GRIK2: variants seen among roughly 807,000 people sequenced by gnomAD.
GRIK2 encodes the protein glutamate receptor ionotropic, kainate 2.
A neutral mutation model predicts 100.3 loss-of-function variants in GRIK2; 32 were observed. That is an observed-to-expected ratio of 0.32 (90% CI 0.24 to 0.43). GRIK2 has a LOEUF of 0.43. GRIK2 is among the 20% of genes least tolerant of loss of function. The pLI, the probability that GRIK2 is intolerant of heterozygous loss-of-function variation, is 1.00. For missense variants in GRIK2, 843 were observed against 1,114.9 expected (o/e 0.76, Z 3.47); for synonymous variants, 417 against 389.4 (o/e 1.07, Z -0.83).
intron 2 of GRIK2, among the ~76,000 whole-genome samples, chr6:101,479,539 G>A (rs1199429160): frequency 6.6e-6 from 1 of 151,982 alleles, no homozygotes; most frequent in East Asian, 1.9e-4. Flanking sequence ...ACTAATATTG[G>A]TATTTTTGAG....
chr6:101,949,100 A>G (rs1265483837), intron 14 of GRIK2, among the ~76,000 whole-genome samples: 1 of 152,174 alleles, frequency 6.6e-6, no homozygotes, highest in Non-Finnish European at 1.5e-5. Context: ...TATGATAAAA[A>G]TAATGTATAT....
At chr6:101,800,760 C>G (rs1780617916) in intron 8 of GRIK2, among the ~76,000 whole-genome samples, 2 of 151,990 alleles carry the variant, frequency 1.3e-5, no homozygotes, top group African/African-American at 4.8e-5. Flanking sequence ...TGGTTTAAAA[C>G]TGAAACTTAG....
chr6:101,621,844 C>A, intron 2 of GRIK2, 105 bp from the exon 3 acceptor site: 1 of 765,222 alleles, frequency 1.3e-6, no homozygotes, highest in Non-Finnish European at 2.2e-6. Flanking sequence ...CGCAAATGCA[C>A]TTGCACATAT....
intron 2 of GRIK2, among the ~76,000 whole-genome samples, chr6:101,502,685 T>C (rs1449804738): frequency 6.6e-6 from 1 of 152,172 alleles, no homozygotes; most frequent in Non-Finnish European, 1.5e-5. Context: ...AAGAGATTGA[T>C]AGGATATCTA....
intron 9 of GRIK2, among the ~76,000 whole-genome samples, chr6:101,804,153 A>C (rs192263279): frequency 6.6e-6 from 1 of 151,958 alleles, no homozygotes; most frequent in Non-Finnish European, 1.5e-5. Context: ...GTCATAGTCA[A>C]TTGAGTACTT....
At chr6:101,935,710 C>A (rs775016698) in intron 14 of GRIK2, among the ~76,000 whole-genome samples, 3 of 151,892 alleles carry the variant, frequency 2.0e-5, no homozygotes, top group Non-Finnish European at 4.4e-5. Flanking sequence ...TTTTACTACC[C>A]TATAATATTT....
At chr6:101,802,460 C>G (rs749444758) in intron 9 of GRIK2, 22 bp downstream of exon 9, 1 of 1,016,570 alleles carries the variant, frequency 9.8e-7, no homozygotes, top group South Asian at 1.5e-5. Flanking sequence ...AGCTTATTTG[C>G]TTTAATTACT....
intron 2 of GRIK2, among the ~76,000 whole-genome samples, chr6:101,563,228 T>G (rs1582723192): frequency 6.6e-6 from 1 of 152,338 alleles, no homozygotes; most frequent in East Asian, 1.9e-4. Context: ...GCAGGGCTTC[T>G]TTCTTTAATT....
At chr6:101,598,725 T>A (rs1319261611) in intron 2 of GRIK2, among the ~76,000 whole-genome samples, 2 of 151,324 alleles carry the variant, frequency 1.3e-5, no homozygotes, top group African/African-American at 4.8e-5. Flanking sequence ...AATTCAGTAG[T>A]CAGCAATTAA....
intron 2 of GRIK2, among the ~76,000 whole-genome samples, chr6:101,440,763 T>C (rs1769998811): frequency 6.6e-6 from 1 of 152,156 alleles, no homozygotes; most frequent in Admixed American, 6.5e-5. Flanking sequence ...TTTGAGGGTT[T>C]AAAGCAGCTC....
intron 14 of GRIK2, among the ~76,000 whole-genome samples, chr6:101,987,467 C>T (rs1794079867): frequency 6.6e-6 from 1 of 151,442 alleles, no homozygotes; most frequent in South Asian, 2.1e-4. Context: ...AGTAAGTTCG[C>T]TTTCTGTAAA....
At chr6:101,460,454 T>C (rs549564850) in intron 2 of GRIK2, among the ~76,000 whole-genome samples, 8 of 152,364 alleles carry the variant, frequency 5.3e-5, no homozygotes, top group Non-Finnish European at 8.8e-5. Flanking sequence ...TAAACTTGTA[T>C]TGGTAATGTA....
At chr6:101,492,109 AT>A (rs1773156874) in intron 2 of GRIK2, among the ~76,000 whole-genome samples, 1 of 151,968 alleles carries the variant, frequency 6.6e-6, no homozygotes, top group African/African-American at 2.4e-5. Context: ...TGTACTTATT[AT>A]TGCTTTTGGC....
Position 101,586,886 on chromosome 6 carries a change from T to C in GRIK2, c.116-35063T>C, listed in dbSNP as rs1469697850. 2.9e-5 allele frequency among the ~76,000 whole-genome samples: 3 copies of C among 103,970 alleles called. 1 individual carries two copies. In the East Asian group the frequency reaches 7.0e-4, roughly 24 times the overall value. 68.2% of individuals were successfully genotyped at this position (103,970 alleles called of 152,430 possible). ...GTCTGGGCAAAAGAGCAAGTCTCTG[T>C]CTTAACAAAAAAAAAAAAAAAAAAA... On this transcript the variant is annotated intron_variant, in intron 2 of 16. Transcript: ENST00000369134.
intron 4 of GRIK2, among the ~76,000 whole-genome samples, chr6:101,674,941 G>A (rs1021171815): frequency 6.6e-6 from 1 of 152,038 alleles, no homozygotes; most frequent in Admixed American, 6.6e-5. Context: ...ATAATGTAAT[G>A]TTTTGACATA....
intron 4 of GRIK2, among the ~76,000 whole-genome samples, chr6:101,632,584 TAAGA>T (rs1473257712): frequency 6.6e-6 from 1 of 152,180 alleles, no homozygotes; most frequent in Non-Finnish European, 1.5e-5. Context: ...AAAAATTTTA[TAAGA>T]AAGCTCGAGT....
intron 7 of GRIK2, among the ~76,000 whole-genome samples, chr6:101,722,922 G>A (rs1774584186): frequency 1.3e-5 from 2 of 151,992 alleles, no homozygotes; most frequent in Admixed American, 6.6e-5. Context: ...CATTTTTACT[G>A]CCAGTCCTTT....
chr6:101,848,638 A>G lies in GRIK2; in HGVS notation c.1318-10649A>G, dbSNP rs894629429. ...TTTAGAAAATCATGGTAATTTATTG[A>G]TCATCTTTGGAGTTGCTCTTTTCAC... On this transcript the variant is annotated intron_variant, in intron 10 of 16. Transcript: ENST00000369134. Among the ~76,000 whole-genome samples the G allele has an allele frequency of 1.5e-4, 23 of 152,104 alleles. 1 individual carries two copies. The highest frequency in any genetic ancestry group is 3.9e-4 in the Admixed American group (6 of 15,246).
At chr6:101,630,823 C>T (rs1465262344) in intron 4 of GRIK2, among the ~76,000 whole-genome samples, 1 of 151,386 alleles carries the variant, frequency 6.6e-6, no homozygotes, top group Non-Finnish European at 1.5e-5. Flanking sequence ...TATGTATCTG[C>T]TTTTACTGCA....
Sources: gnomAD v4.1 joint callset for allele counts (sites outside exome capture counted in the v4.1 genomes callset) on GRCh38, gnomAD v4.1.1 for gene constraint, MANE v1.5 for transcripts, NCBI Gene and HGNC (gene_info 2026-07-23, HGNC 2026-07-21) for gene names.